Variants in FN1 observed in about 807,000 individuals in gnomAD.
The protein encoded by FN1 is fibronectin 1, also known as fibronectin.
Under a neutral mutation model 297.3 loss-of-function variants are expected in FN1, and 106 were observed. That is an observed-to-expected ratio of 0.36 (90% CI 0.30 to 0.42). The LOEUF is 0.42. FN1 is among the 10% of genes least tolerant of loss of function. The pLI, the probability that FN1 is intolerant of heterozygous loss-of-function variation, is 1.00. For synonymous variants in FN1, 1,149 were observed against 1,152.6 expected (o/e 1.00, Z 0.06); for missense variants, 2,690 against 3,124.9 (o/e 0.86, Z 3.32).
chr2:215,429,156 T>G (rs1312060515), intron 5 of FN1, among the ~76,000 whole-genome samples: 1 of 152,218 alleles, frequency 6.6e-6, no homozygotes, highest in Admixed American at 6.5e-5. Context: ...TCTTTCTTCA[T>G]TTGTTATGTA....
chr2:215,412,840 A>G (rs1361642746), intron 13 of FN1, among the ~76,000 whole-genome samples: 1 of 132,772 alleles, frequency 7.5e-6, no homozygotes, highest in Non-Finnish European at 1.5e-5. Flanking sequence ...TAAAGCTGTT[A>G]TCTCCTCTCT....
At chr2:215,380,512 T>C in intron 33 of FN1, 1 of 429,010 alleles carries the variant, frequency 2.3e-6, no homozygotes, top group Non-Finnish European at 4.3e-6. Flanking sequence ...ATAGTGAGGG[T>C]AATCACAGGG....
rs376598003 is a variant in FN1, at chr2:215,379,262, G to A, written c.5490C>T (p.Ser1830=). The A allele has an allele frequency of 1.4e-5, 22 of 1,613,950 alleles. No homozygotes were observed. The highest frequency in any genetic ancestry group is 6.7e-5 in the African/African-American group (5 of 74,898). Residue 1830 remains serine (S), a synonymous_variant, in exon 34 of 46, where the codon AGC becomes AGT. Coordinates refer to ENST00000354785, the MANE Select transcript of FN1 (RefSeq NM_212482.4). ...KFTQVTPTSL[S]AQWTPPNVQL... ...GAACATTGGGTGGTGTCCACTGGGCGCTCAGGCTTGTGGGTGTGACCTGAG... is the reference window on the plus strand; with the variant it reads ...GAACATTGGGTGGTGTCCACTGGGCACTCAGGCTTGTGGGTGTGACCTGAG...
chr2:215,433,519 A>G (rs2066899538), intron 2 of FN1, 58 bp from the exon 3 acceptor site: 4 of 1,556,638 alleles, frequency 2.6e-6, no homozygotes, highest in Non-Finnish European at 2.6e-6. Context: ...TTTCTAGTTC[A>G]CTAATCCCCT....
Position 215,424,173 on chromosome 2 carries a change from T to C in FN1, c.1189A>G (p.Lys397Glu), listed in dbSNP as rs532918576. ...GTGTGGTCTGTGCAGAAAGAGTATTTCTGGTCCTGCTCATAATTCGAAGTT... is the reference window on the plus strand; with the variant it reads ...GTGTGGTCTGTGCAGAAAGAGTATTCCTGGTCCTGCTCATAATTCGAAGTT... Reference protein sequence around the residue: ...STTSNYEQDQKYSFCTDHTVL... With the variant: ...STTSNYEQDQEYSFCTDHTVL... Residue 397 changes from lysine (K) to glutamate (E), a missense_variant, in exon 8 of 46, where the codon AAA becomes GAA. By Grantham distance (56) the Lys-to-Glu change is moderately conservative. This residue lies in a region of FN1 where 876 missense variants were observed against 1,058.1 expected (regional missense o/e 0.83). Coordinates refer to ENST00000354785, the MANE Select transcript of FN1 (RefSeq NM_212482.4). 1 of 1,614,186 alleles carries C rather than the reference T, an allele frequency of 6.2e-7. No homozygotes were observed. Among genetic ancestry groups the C allele is most frequent in the East Asian group, 2.2e-5 (1 of 44,886 alleles).
In FN1 at chr2:215,431,915, C is replaced by T; in HGVS notation, c.465G>A (p.Arg155=). The T allele has an allele frequency of 6.2e-7, 1 of 1,614,158 alleles. No homozygotes were observed. The highest frequency in any genetic ancestry group is 1.1e-5 in the South Asian group (1 of 91,086). Reference sequence around the variant, plus strand: ...TGTAACCACCAGTCTCATGTGGTCTCCTCCAGGTGTCACCAATCTTGTAGG... The same window carrying T: ...TGTAACCACCAGTCTCATGTGGTCTTCTCCAGGTGTCACCAATCTTGTAGG... ...GQSYKIGDTW[R]RPHETGGYML... is the part of the protein sequence containing the mutation. The change falls in exon 4 of 46, where the codon AGG becomes AGA. Residue 155 remains arginine, a synonymous_variant. Transcript: ENST00000354785.
intron 2 of FN1, 67 bp downstream of exon 2, chr2:215,434,629 T>C: frequency 6.3e-7 from 1 of 1,577,202 alleles, no homozygotes; most frequent in Non-Finnish European, 8.7e-7. Flanking sequence ...TACTTACTAA[T>C]GCAAAGTTTA....
intron 28 of FN1, 141 bp from the exon 29 acceptor site, chr2:215,385,117 T>TA (rs1428543481): frequency 2.9e-6 from 2 of 696,566 alleles, no homozygotes; most frequent in Admixed American, 4.2e-5. Flanking sequence ...CAGAATTTTA[T>TA]ATTATGACGA....
At chr2:215,368,824 T>A (rs1296461758) in intron 41 of FN1, among the ~76,000 whole-genome samples, 1 of 152,160 alleles carries the variant, frequency 6.6e-6, no homozygotes, top group Non-Finnish European at 1.5e-5. Context: ...TATCTCTTTA[T>A]GATTTGGAAA....
chr2:215,401,231 A>AAAGG (rs1390197922), intron 20 of FN1, among the ~76,000 whole-genome samples: 2 of 57,820 alleles, frequency 3.5e-5, no homozygotes, highest in Admixed American at 1.6e-4. Context: ...AGAAAGAAAG[A>AAAGG]AAGAAAGAAA....
intron 3 of FN1, among the ~76,000 whole-genome samples, chr2:215,432,294 G>A (rs2066661998): frequency 6.6e-6 from 1 of 152,130 alleles, no homozygotes; most frequent in Non-Finnish European, 1.5e-5. Context: ...TACACAGCAG[G>A]CTAAGACTGA....
intron 21 of FN1, among the ~76,000 whole-genome samples, chr2:215,398,735 A>C (rs921109094): frequency 2.0e-5 from 3 of 152,232 alleles, no homozygotes; most frequent in Non-Finnish European, 4.4e-5. Context: ...TAATATCATT[A>C]CTTTAAAGAA....
chr2:215,395,272 C>T (rs115913770), intron 23 of FN1, among the ~76,000 whole-genome samples: 2,749 of 152,230 alleles, frequency 0.018, 89 homozygotes, highest in African/African-American at 0.061. Context: ...AGTGCTGATA[C>T]TTATTCTAGA....
intron 31 of FN1, 122 bp from the exon 32 acceptor site, chr2:215,382,447 C>A: frequency 1.4e-6 from 1 of 692,934 alleles, no homozygotes; most frequent in Non-Finnish European, 2.6e-6. Flanking sequence ...AGAATTGTAA[C>A]AAAAATATGG....
At chr2:215,412,584 A>G (rs2062814376) in intron 13 of FN1, among the ~76,000 whole-genome samples, 1 of 152,054 alleles carries the variant, frequency 6.6e-6, no homozygotes, top group African/African-American at 2.4e-5. Context: ...CTACAGGTGC[A>G]TGCTACCATG....
chr2:215,406,274 T>G lies in FN1; in HGVS notation c.2950A>C (p.Arg984=), dbSNP rs1352537493. ...YFKVFAVSHG[R]ESKPLTAQQT... is the part of the protein sequence containing the mutation. ...TGAGCAGTCAGAGGCTTGCTCTCCC[T>G]CCCATGGCTCACTGCAAAGACTTTG... Residue 984 remains arginine, a synonymous_variant, in exon 19 of 46, where the codon AGG becomes CGG. Coordinates refer to ENST00000354785, the MANE Select transcript of FN1 (RefSeq NM_212482.4). The G allele has an allele frequency of 1.2e-6, 2 of 1,614,034 alleles. No individual in the cohort carries two copies. The highest frequency in any genetic ancestry group is 1.7e-6 in the Non-Finnish European group (2 of 1,180,010).
At chr2:215,434,058 T>C (rs1250245) in intron 2 of FN1, among the ~76,000 whole-genome samples, 78,933 of 152,058 alleles carry the variant, frequency 0.52, 21,165 homozygotes, top group East Asian at 0.93. Flanking sequence ...GCTGAGATAG[T>C]GCTACTGCAC....
chr2:215,386,606 A>G, intron 28 of FN1, 83 bp downstream of exon 28: 2 of 817,384 alleles, frequency 2.4e-6, no homozygotes, highest in Non-Finnish European at 1.9e-6. Context: ...AGAGCTGATG[A>G]CAGACAACAG....
chr2:215,368,382 A>C (rs1444052695), intron 41 of FN1, among the ~76,000 whole-genome samples: 1 of 152,210 alleles, frequency 6.6e-6, no homozygotes, highest in Non-Finnish European at 1.5e-5. Flanking sequence ...CTCCATTGGT[A>C]CCTGAGTGAC....
Sources: gnomAD v4.1 joint callset for allele counts (sites outside exome capture counted in the v4.1 genomes callset) on GRCh38, gnomAD v4.1.1 for gene constraint, gnomAD v4.1.1 regional missense constraint, MANE v1.5 for transcripts, NCBI Gene and HGNC (gene_info 2026-07-23, HGNC 2026-07-21) for gene names.